RAD51B: variants seen among roughly 807,000 people sequenced by gnomAD.
RAD51B encodes RAD51 paralog B.
Under a neutral mutation model 42.2 loss-of-function variants are expected in RAD51B, and 38 were observed. That is an observed-to-expected ratio of 0.90 (90% CI 0.70 to 1.18). The LOEUF (loss-of-function observed/expected upper bound fraction) is 1.18. RAD51B is among the 50% of genes most tolerant of loss of function. RAD51B has a pLI of 0.00. For missense variants in RAD51B, 373 were observed against 400.7 expected, an observed-to-expected ratio of 0.93 and a Z score of 0.59; for synonymous variants, 154 against 145.2, an observed-to-expected ratio of 1.06 and a Z score of -0.43.
intron 10 of RAD51B, among the ~76,000 whole-genome samples, chr14:68,548,308 A>AGCCCAGCCCT (rs1318952225): frequency 5.3e-5 from 8 of 151,228 alleles, no homozygotes; most frequent in Middle Eastern, 3.2e-3. Context: ...ATCCCAGCCC[A>AGCCCAGCCCT]GCCCAGCCCT....
chr14:67,999,910 C>G (rs993922324), intron 7 of RAD51B, among the ~76,000 whole-genome samples: 2 of 151,916 alleles, frequency 1.3e-5, no homozygotes, highest in Non-Finnish European at 2.9e-5. Context: ...AGCAAGGGCT[C>G]AAAGGTGTAA....
intron 4 of RAD51B, among the ~76,000 whole-genome samples, chr14:67,859,363 A>G (rs1355627704): frequency 3.9e-5 from 6 of 152,374 alleles, no homozygotes; most frequent in East Asian, 1.9e-4. Context: ...ACACACATGT[A>G]TAGGTCAGAG....
At chr14:68,172,854 A>T (rs1280866484) in intron 7 of RAD51B, among the ~76,000 whole-genome samples, 1 of 152,152 alleles carries the variant, frequency 6.6e-6, no homozygotes, top group Non-Finnish European at 1.5e-5. Flanking sequence ...CTCCCTTCCC[A>T]GTAGTTTGCC....
intron 7 of RAD51B, among the ~76,000 whole-genome samples, chr14:67,896,479 G>A (rs1293390465): frequency 6.6e-6 from 1 of 152,156 alleles, no homozygotes; most frequent in African/African-American, 2.4e-5. Flanking sequence ...TAACATCAGT[G>A]CTCTGTACAC....
At chr14:68,363,985 C>T (rs1458173271) in intron 8 of RAD51B, among the ~76,000 whole-genome samples, 1 of 152,188 alleles carries the variant, frequency 6.6e-6, no homozygotes. Flanking sequence ...TTTGCCCACA[C>T]GCGCCCCAGT....
chr14:68,540,301 ACAC>A (rs1887892730), intron 10 of RAD51B: 3 of 1,042,464 alleles, frequency 2.9e-6, no homozygotes, highest in East Asian at 5.6e-5. Context: ...ACTGCAGACC[ACAC>A]CACAACACTG....
chr14:68,605,293 A>T (rs1891401882), intron 10 of RAD51B, among the ~76,000 whole-genome samples: 1 of 152,216 alleles, frequency 6.6e-6, no homozygotes, highest in Non-Finnish European at 1.5e-5. Flanking sequence ...GCTGCAAAGA[A>T]ATAGCACTCA....
chr14:68,331,386 G>T (rs1162652660), intron 8 of RAD51B, among the ~76,000 whole-genome samples: 4 of 44,610 alleles, frequency 9.0e-5, no homozygotes, highest in African/African-American at 1.3e-4. Flanking sequence ...AAAAAAAAAA[G>T]CAATGGTGTT....
At chr14:67,885,819 C>T (rs564783699) in intron 5 of RAD51B, 50 bp from the exon 6 acceptor site, 3 of 1,546,646 alleles carry the variant, frequency 1.9e-6, no homozygotes, top group South Asian at 1.2e-5. Context: ...AGCAATGTGG[C>T]TTTAAGTAGA....
At chr14:67,900,893 G>T (rs1000751476) in intron 7 of RAD51B, among the ~76,000 whole-genome samples, 1 of 152,098 alleles carries the variant, frequency 6.6e-6, no homozygotes, top group East Asian at 1.9e-4. Context: ...CAATAACATG[G>T]GATTGACCTG....
downstream of RAD51B, among the ~76,000 whole-genome samples, chr14:68,600,975 C>T (rs375540180): frequency 6.9e-6 from 1 of 144,156 alleles, no homozygotes; most frequent in Non-Finnish European, 1.6e-5. Context: ...TGTGGGTACC[C>T]GTGAAACACA....
At chr14:68,021,736 T>G (rs1232319630) in intron 7 of RAD51B, among the ~76,000 whole-genome samples, 3 of 152,212 alleles carry the variant, frequency 2.0e-5, no homozygotes, top group Non-Finnish European at 4.4e-5. Flanking sequence ...AATTTTTTGT[T>G]TCCTAATGCA....
intron 7 of RAD51B, among the ~76,000 whole-genome samples, chr14:68,241,411 G>C (rs544617255): frequency 6.6e-6 from 1 of 152,182 alleles, no homozygotes; most frequent in African/African-American, 2.4e-5. Flanking sequence ...GTATGGTGGC[G>C]GGCGCCTGTG....
chr14:68,460,345 C>G (rs537928663), intron 9 of RAD51B, among the ~76,000 whole-genome samples: 2 of 152,104 alleles, frequency 1.3e-5, no homozygotes, highest in Admixed American at 1.3e-4. Context: ...CCCAGCTACT[C>G]GGGAGGCTGA....
At chr14:67,820,066 G>A (rs1267548825) in intron 1 of RAD51B, among the ~76,000 whole-genome samples, 1 of 152,160 alleles carries the variant, frequency 6.6e-6, no homozygotes, top group East Asian at 1.9e-4. Context: ...GGAATGCTTG[G>A]AAGCTGCTCA....
intron 10 of RAD51B, among the ~76,000 whole-genome samples, chr14:68,603,956 C>T (rs548246642): frequency 6.6e-6 from 1 of 152,256 alleles, no homozygotes; most frequent in African/African-American, 2.4e-5. Flanking sequence ...GGGAAGCGTT[C>T]ACTCTAGCCC....
intron 7 of RAD51B, among the ~76,000 whole-genome samples, chr14:68,229,321 T>C (rs1461365033): frequency 1.3e-5 from 2 of 152,240 alleles, no homozygotes; most frequent in East Asian, 1.9e-4. Context: ...CTAATTGTAC[T>C]CTTGGACCAC....
chr14:67,855,380 G>A (rs953864111), intron 4 of RAD51B, among the ~76,000 whole-genome samples: 11 of 148,642 alleles, frequency 7.4e-5, no homozygotes, highest in African/African-American at 1.2e-4. Flanking sequence ...ACAGGTGCCC[G>A]CCACCACGCT....
At chr14:67,987,649 C>G (rs1278247175) in intron 7 of RAD51B, among the ~76,000 whole-genome samples, 1 of 152,080 alleles carries the variant, frequency 6.6e-6, no homozygotes, top group Admixed American at 6.5e-5. Flanking sequence ...TATTGACTTT[C>G]ATAAGTATTT....
Sources: gnomAD v4.1 joint callset for allele counts (sites outside exome capture counted in the v4.1 genomes callset) on GRCh38, gnomAD v4.1.1 for gene constraint, MANE v1.5 for transcripts, NCBI Gene and HGNC (gene_info 2026-07-23, HGNC 2026-07-21) for gene names.